KCND2: variants seen among roughly 807,000 people sequenced by gnomAD.
The protein encoded by KCND2 is potassium voltage-gated channel subfamily D member 2, also known as A-type voltage-gated potassium channel KCND2.
A neutral mutation model predicts 54.4 loss-of-function variants in KCND2; 16 were observed. The observed-to-expected ratio is 0.29, with a 90% CI of 0.20 to 0.45. The LOEUF is 0.45. Among genes scored for constraint, KCND2 ranks in the 20% least tolerant of loss-of-function variants. KCND2 has a pLI of 1.00. For synonymous variants in KCND2, 317 were observed against 310.7 expected, an observed-to-expected ratio of 1.02 and a Z score of -0.21; for missense variants, 486 against 824.2, an observed-to-expected ratio of 0.59 and a Z score of 5.02.
intron 1 of KCND2, among the ~76,000 whole-genome samples, chr7:120,553,977 C>T (rs916847381): frequency 3.3e-5 from 5 of 152,180 alleles, no homozygotes; most frequent in South Asian, 2.1e-4. Context: ...CTTCCTTTGA[C>T]TTCTTGACCT....
chr7:120,387,278 AT>A (rs1340391168), intron 1 of KCND2, among the ~76,000 whole-genome samples: 1 of 152,096 alleles, frequency 6.6e-6, no homozygotes. Context: ...GGTTTTCCAA[AT>A]TACCATAAAA....
intron 1 of KCND2, among the ~76,000 whole-genome samples, chr7:120,650,021 C>T (rs968080968): frequency 9.8e-4 from 149 of 152,098 alleles, no homozygotes; most frequent in Admixed American, 2.4e-3. Context: ...GTGGATAACC[C>T]GACCTTTCTC....
intron 1 of KCND2, among the ~76,000 whole-genome samples, chr7:120,622,103 G>A (rs774135730): frequency 7.9e-5 from 12 of 151,766 alleles, no homozygotes; most frequent in South Asian, 2.1e-4. Context: ...TATATTGTAC[G>A]TGATTATATG....
chr7:120,677,580 G>T (rs12538603), intron 1 of KCND2, among the ~76,000 whole-genome samples: 51,181 of 147,068 alleles, frequency 0.35, 9,923 homozygotes, highest in African/African-American at 0.51. Flanking sequence ...TAGATATATA[G>T]ATATATAAAA....
intron 1 of KCND2, among the ~76,000 whole-genome samples, chr7:120,383,985 C>A (rs998548429): frequency 6.6e-6 from 1 of 151,922 alleles, no homozygotes; most frequent in Non-Finnish European, 1.5e-5. Context: ...CCTTGTTATC[C>A]AGGAGAGATT....
At chr7:120,687,376 C>T (rs1792216131) in intron 1 of KCND2, among the ~76,000 whole-genome samples, 1 of 151,932 alleles carries the variant, frequency 6.6e-6, no homozygotes, top group Non-Finnish European at 1.5e-5. Flanking sequence ...GCAACAGTAC[C>T]GTATTGTACA....
chr7:120,311,496 C>T (rs1209367952), intron 1 of KCND2, among the ~76,000 whole-genome samples: 1 of 152,130 alleles, frequency 6.6e-6, no homozygotes, highest in Non-Finnish European at 1.5e-5. Context: ...TGCAAAATGC[C>T]TCCTTTTAAT....
At position 120,274,902 on chromosome 7, in the gene KCND2, C is replaced by A. The variant is rs746615521; in HGVS notation, c.270C>A (p.Asp90Glu). 6.2e-7 allele frequency: 1 copy of A among 1,614,156 alleles called. No individual in the cohort carries two copies. Among genetic ancestry groups the A allele is most frequent in the Non-Finnish European group, 8.5e-7 (1 of 1,180,034 alleles). Residue 90 changes from aspartate (D) to glutamate (E), a missense_variant, in exon 1 of 6, where the codon GAC becomes GAA. Transcript: ENST00000331113. ...TQQYFFDRDP[D>E]IFRHILNFYR... ...AGTATTTCTTTGACCGTGACCCAGA[C>A]ATCTTCCGCCACATCCTGAATTTCT...
chr7:120,367,243 G>T (rs2116410002), intron 1 of KCND2, among the ~76,000 whole-genome samples: 1 of 152,206 alleles, frequency 6.6e-6, no homozygotes, highest in East Asian at 1.9e-4. Context: ...ACCCAGGTCT[G>T]CCTAATTATT....
chr7:120,456,489 A>G (rs532177677), intron 1 of KCND2, among the ~76,000 whole-genome samples: 6 of 152,358 alleles, frequency 3.9e-5, no homozygotes, highest in African/African-American at 1.2e-4. Flanking sequence ...TATAGCAACT[A>G]GAGAAATTCA....
At chr7:120,669,939 G>A (rs531442404) in intron 1 of KCND2, among the ~76,000 whole-genome samples, 9 of 152,196 alleles carry the variant, frequency 5.9e-5, no homozygotes, top group South Asian at 4.2e-4. Context: ...TGAGTCTACT[G>A]CCTATAAAGA....
At position 120,745,795 on chromosome 7, in the gene KCND2, G is replaced by T; in HGVS notation, c.1483G>T (p.Asp495Tyr). The change falls in exon 5 of 6, where the codon GAC (aspartate) becomes TAC (tyrosine). Residue 495 changes from aspartate (D) to tyrosine (Y), a missense_variant. By Grantham distance (160) the Asp-to-Tyr change is radical. Coordinates refer to ENST00000331113, the MANE Select transcript of KCND2 (RefSeq NM_012281.3). ...LEKTTNHEFV[D>Y]EQVFEESCME... ...TGTGGAACAGAATCACGAGTTTGTG[G>T]ACGAACAAGTCTTTGAAGAAAGCTG... 2 of 1,613,666 alleles carry T rather than the reference G, an allele frequency of 1.2e-6. No individual in the cohort carries two copies. The highest frequency in any genetic ancestry group is 1.1e-5 in the South Asian group (1 of 91,066).
chr7:120,463,740 G>T (rs753275468), intron 1 of KCND2, among the ~76,000 whole-genome samples: 23 of 152,080 alleles, frequency 1.5e-4, no homozygotes, highest in Admixed American at 1.3e-4. Context: ...AAAATTGAAG[G>T]TGACATCGCA....
At chr7:120,529,573 T>TA (rs1174281532) in intron 1 of KCND2, among the ~76,000 whole-genome samples, 4 of 152,188 alleles carry the variant, frequency 2.6e-5, no homozygotes, top group Non-Finnish European at 4.4e-5. Flanking sequence ...GATTATTTCA[T>TA]AGTCAGTTTT....
rs116156665 is a variant in KCND2 at position 120,294,949 on chromosome 7, A to G, written c.1115+19202A>G. ...CTCTTGCCTAGGTTAGAAACTCTTG[A>G]AGGTCAGGACGTGTATCTAACTTCA... On this transcript the variant is annotated intron_variant, in intron 1 of 5. Transcript: ENST00000331113. Among the ~76,000 whole-genome samples, 840 of 151,898 alleles carry G rather than the reference A, an allele frequency of 5.5e-3. 3 individuals carry two copies. Among genetic ancestry groups the G allele is most frequent in the African/African-American group, 0.019 (775 of 41,522 alleles).
At chr7:120,673,113 A>G (rs1792015086) in intron 1 of KCND2, 1 of 152,258 alleles carries the variant, frequency 6.6e-6, no homozygotes, top group African/African-American at 2.4e-5. Context: ...GAAGGCAGCC[A>G]TCTGCAAGCC....
chr7:120,416,226 A>T (rs1038591554), intron 1 of KCND2, among the ~76,000 whole-genome samples: 1 of 152,200 alleles, frequency 6.6e-6, no homozygotes, highest in African/African-American at 2.4e-5. Context: ...TCTTAAAACC[A>T]TTCTGCCCCA....
In KCND2 at chr7:120,561,534, G is replaced by A. The variant is rs549419339; in HGVS notation, c.1116-171369G>A. On this transcript the variant is annotated intron_variant, in intron 1 of 5. Transcript: ENST00000331113. ...TTGAAAAACTTGCCCAAAGTTACAA[G>A]GCTGGGCTATAAACCCAGGAAGATC... Among the ~76,000 whole-genome samples the A allele has an allele frequency of 6.7e-5, 10 of 150,308 alleles. No individual in the cohort carries two copies. The South Asian group carries it at 2.1e-3, about 32-fold the overall frequency.
chr7:120,615,121 A>G (rs1214729147), intron 1 of KCND2, among the ~76,000 whole-genome samples: 2 of 152,208 alleles, frequency 1.3e-5, no homozygotes, highest in African/African-American at 4.8e-5. Context: ...CATCAGTAAC[A>G]ATATGAGGGC....
Sources: allele counts gnomAD v4.1 joint callset (sites outside exome capture counted in the v4.1 genomes callset), GRCh38; gene constraint gnomAD v4.1.1; transcripts MANE v1.5; gene names NCBI Gene and HGNC (gene_info 2026-07-23, HGNC 2026-07-21).